The following TP63 variants were observed in gnomAD, a reference collection of about 807,000 sequenced individuals.
The protein encoded by TP63 is tumor protein p63, also known as tumor protein 63.
In TP63, 17 loss-of-function variants were observed where a neutral mutation model predicts 82.8. The observed-to-expected ratio is 0.21, with a 90% CI of 0.14 to 0.31. The LOEUF is 0.31. TP63 is among the 10% of genes least tolerant of loss of function. The pLI is 1.00. For synonymous variants in TP63, 330 were observed against 321.7 expected (o/e 1.03, Z -0.28); for missense variants, 648 against 895.3 (o/e 0.72, Z 3.52).
At chr3:189,855,674 T>C (rs1167532000) in intron 4 of TP63, among the ~76,000 whole-genome samples, 2 of 151,986 alleles carry the variant, frequency 1.3e-5, no homozygotes, top group Non-Finnish European at 2.9e-5. Context: ...GTCTTTGTAT[T>C]ATATGCCCCT....
At chr3:189,837,738 C>A (rs981723023) in intron 4 of TP63, among the ~76,000 whole-genome samples, 1 of 152,126 alleles carries the variant, frequency 6.6e-6, no homozygotes, top group African/African-American at 2.4e-5. Flanking sequence ...GTGGCCACTA[C>A]CTCTCAGGCT....
At chr3:189,869,472 T>C (rs1718143919) in intron 9 of TP63, 66 bp downstream of exon 9, 3 of 1,396,594 alleles carry the variant, frequency 2.1e-6, no homozygotes, top group Admixed American at 1.8e-5. Flanking sequence ...TTTTACAGTA[T>C]GATCATCATC....
At chr3:189,736,743 C>A (rs1720622574) in intron 1 of TP63, among the ~76,000 whole-genome samples, 3 of 151,934 alleles carry the variant, frequency 2.0e-5, no homozygotes, top group Admixed American at 6.6e-5. Context: ...ATAGTATTAT[C>A]TTCTACTGTA....
intron 1 of TP63, among the ~76,000 whole-genome samples, chr3:189,677,331 T>TTTATATATATAAATATATAAATAA (rs1553810154): frequency 7.1e-6 from 1 of 140,130 alleles, no homozygotes; most frequent in East Asian, 2.1e-4. Context: ...CACACACATA[T>TTTATATATATAAATATATAAATAA]TTATATATAT....
intron 10 of TP63, among the ~76,000 whole-genome samples, chr3:189,875,589 C>CAT (rs779050433): frequency 0.013 from 560 of 44,300 alleles, 19 homozygotes; most frequent in African/African-American, 0.035. Flanking sequence ...AAAAAAAATA[C>CAT]ATACATATAT....
At chr3:189,881,181 T>TA (rs11396460) in intron 10 of TP63, 171,442 of 985,246 alleles carry the variant, frequency 0.17, 15,286 homozygotes, top group South Asian at 0.22. Flanking sequence ...CCAGGAGACT[T>TA]ACGTTTTGAG....
intron 10 of TP63, among the ~76,000 whole-genome samples, chr3:189,885,177 T>C (rs189073054): frequency 1.4e-4 from 21 of 152,334 alleles, no homozygotes; most frequent in Non-Finnish European, 2.5e-4. Flanking sequence ...AGTTTTCCCA[T>C]AACAGACTAG....
intron 4 of TP63, among the ~76,000 whole-genome samples, chr3:189,818,214 G>T (rs1728405741): frequency 6.6e-6 from 1 of 151,700 alleles, no homozygotes; most frequent in South Asian, 2.1e-4. Flanking sequence ...ATTCTTGAAA[G>T]AAAAATCATG....
chr3:189,713,849 T>C (rs1286074088), intron 1 of TP63, among the ~76,000 whole-genome samples: 1 of 150,088 alleles, frequency 6.7e-6, no homozygotes, highest in Non-Finnish European at 1.5e-5. Flanking sequence ...AATAATATAA[T>C]AAAATAAGTA....
In TP63 at chr3:189,867,841, T is replaced by G. The variant is rs749804828; in HGVS notation, c.891T>G (p.Thr297=). ...TTACCCCTTGTTTTCAGGTTGGCACTGAATTCACGACAGTCTTGTACAATT... is the reference window on the plus strand; with the variant it reads ...TTACCCCTTGTTTTCAGGTTGGCACGGAATTCACGACAGTCTTGTACAATT... ...LVPYEPPQVG[T]EFTTVLYNFM... is the part of the protein sequence containing the mutation. Residue 297 remains threonine, a synonymous_variant, in exon 7 of 14, where the codon ACT becomes ACG. Coordinates refer to ENST00000264731, the MANE Select transcript of TP63 (RefSeq NM_003722.5). 6.2e-7 allele frequency: 1 copy of G among 1,613,928 alleles called. No individual in the cohort carries two copies. Among genetic ancestry groups the G allele is most frequent in the Non-Finnish European group, 8.5e-7 (1 of 1,179,928 alleles).
At chr3:189,702,794 C>T (rs1717911900) in intron 1 of TP63, among the ~76,000 whole-genome samples, 1 of 152,218 alleles carries the variant, frequency 6.6e-6, no homozygotes, top group African/African-American at 2.4e-5. Flanking sequence ...TTTCATGCTC[C>T]TTTTCTGCTT....
chr3:189,654,484 A>G (rs1920253), intron 1 of TP63, among the ~76,000 whole-genome samples: 2,689 of 152,288 alleles, frequency 0.018, 85 homozygotes, highest in Admixed American at 0.088. Context: ...ACTAAGGAGT[A>G]AAAAATAAAC....
intron 13 of TP63, among the ~76,000 whole-genome samples, chr3:189,893,749 T>C (rs1292083211): frequency 6.6e-6 from 1 of 152,192 alleles, no homozygotes; most frequent in Non-Finnish European, 1.5e-5. Context: ...GGGGATTAAA[T>C]GATATCATGA....
chr3:189,827,368 C>T (rs751521097), intron 4 of TP63, among the ~76,000 whole-genome samples: 5 of 152,142 alleles, frequency 3.3e-5, no homozygotes, highest in Non-Finnish European at 7.3e-5. Flanking sequence ...ACCAGCTCCC[C>T]CTTACAGACA....
At chr3:189,657,035 A>G (rs1393615749) in intron 1 of TP63, among the ~76,000 whole-genome samples, 1 of 148,588 alleles carries the variant, frequency 6.7e-6, no homozygotes, top group Non-Finnish European at 1.5e-5. Context: ...AAAAAAAAAG[A>G]CAACAAGAAT....
At chr3:189,810,321 A>C (rs1375202017) in intron 4 of TP63, among the ~76,000 whole-genome samples, 1 of 152,184 alleles carries the variant, frequency 6.6e-6, no homozygotes, top group Admixed American at 6.5e-5. Context: ...TAGGTCACCA[A>C]CCGGACATTT....
At chr3:189,809,639 C>G (rs571729876) in intron 4 of TP63, among the ~76,000 whole-genome samples, 4 of 152,270 alleles carry the variant, frequency 2.6e-5, no homozygotes, top group African/African-American at 9.6e-5. Context: ...AGTTTTTTCC[C>G]TCTTTGACAA....
intron 3 of TP63, among the ~76,000 whole-genome samples, chr3:189,770,604 G>A (rs564762084): frequency 3.3e-5 from 5 of 151,960 alleles, no homozygotes; most frequent in African/African-American, 1.2e-4. Context: ...TAAGAAATTT[G>A]CAGCAAAGTT....
At chr3:189,881,066 C>G in intron 10 of TP63, 1 of 985,336 alleles carries the variant, frequency 1.0e-6, no homozygotes. Flanking sequence ...GAATTTGAAG[C>G]CCTCTCACAA....
Sources: allele counts gnomAD v4.1 joint callset (sites outside exome capture counted in the v4.1 genomes callset), GRCh38; gene constraint gnomAD v4.1.1; transcripts MANE v1.5; gene names NCBI Gene and HGNC (gene_info 2026-07-23, HGNC 2026-07-21).